The following EXOC6 variants were observed in gnomAD, a reference collection of about 807,000 sequenced individuals.
EXOC6 encodes the protein exocyst complex component 6, also known as SEC15-like 1.
EXOC6 carries 60 observed loss-of-function variants against 112.5 expected under a neutral mutation model. The observed-to-expected ratio is 0.53, with a 90% CI of 0.43 to 0.66. The LOEUF (loss-of-function observed/expected upper bound fraction) is 0.66. EXOC6 is among the 30% of genes least tolerant of loss of function. EXOC6 has a pLI of 0.00. For synonymous variants in EXOC6, 295 were observed against 308.0 expected (o/e 0.96, Z 0.44); for missense variants, 855 against 957.1 (o/e 0.89, Z 1.41).
chr10:92,856,016 C>T (rs1047971535), intron 1 of EXOC6, among the ~76,000 whole-genome samples: 4 of 152,168 alleles, frequency 2.6e-5, no homozygotes, highest in African/African-American at 7.2e-5. Flanking sequence ...AGGCACATGC[C>T]ACCATGCCTG....
intron 14 of EXOC6, among the ~76,000 whole-genome samples, chr10:92,951,231 G>A (rs1853392000): frequency 6.6e-6 from 1 of 152,138 alleles, no homozygotes; most frequent in African/African-American, 2.4e-5. Flanking sequence ...TTGTAGATTT[G>A]GAGATATTGG....
At chr10:92,939,386 G>C (rs1304391698) in intron 12 of EXOC6, among the ~76,000 whole-genome samples, 2 of 151,876 alleles carry the variant, frequency 1.3e-5, no homozygotes, top group African/African-American at 4.8e-5. Flanking sequence ...GTAAAAATCA[G>C]AAGAATTTGG....
intron 20 of EXOC6, among the ~76,000 whole-genome samples, chr10:93,015,902 C>T (rs563654624): frequency 4.6e-5 from 7 of 152,078 alleles, no homozygotes; most frequent in Non-Finnish European, 7.4e-5. Context: ...TCAGATATTA[C>T]GTCAAACAAG....
At chr10:92,986,006 T>C (rs2134137909) in intron 18 of EXOC6, among the ~76,000 whole-genome samples, 1 of 152,134 alleles carries the variant, frequency 6.6e-6, no homozygotes, top group East Asian at 1.9e-4. Flanking sequence ...TAAAAATTGG[T>C]TTTTCTTACT....
At chr10:92,908,761 CA>C (rs1482397981) in intron 5 of EXOC6, among the ~76,000 whole-genome samples, 1 of 152,068 alleles carries the variant, frequency 6.6e-6, no homozygotes, top group Non-Finnish European at 1.5e-5. Context: ...TTATCTAGGG[CA>C]AAGGCTACAC....
At chr10:92,973,470 C>T (rs1409646477) in intron 17 of EXOC6, among the ~76,000 whole-genome samples, 2 of 152,174 alleles carry the variant, frequency 1.3e-5, no homozygotes, top group African/African-American at 4.8e-5. Flanking sequence ...TTGATTTTGA[C>T]AATTTTTGAT....
At chr10:92,859,813 TTGTGTGCATG>T (rs1261221830) in intron 1 of EXOC6, among the ~76,000 whole-genome samples, 1 of 127,960 alleles carries the variant, frequency 7.8e-6, no homozygotes, top group Non-Finnish European at 1.6e-5. Flanking sequence ...GTGTGCACGT[TTGTGTGCATG>T]TGTGTGTGTG....
intron 17 of EXOC6, among the ~76,000 whole-genome samples, chr10:92,966,657 A>G (rs1842078523): frequency 6.7e-6 from 1 of 149,446 alleles, no homozygotes. Flanking sequence ...CATGATGTAT[A>G]TGTGCCACAT....
At chr10:92,960,930 T>C (rs1339259796) in intron 17 of EXOC6, among the ~76,000 whole-genome samples, 1 of 152,168 alleles carries the variant, frequency 6.6e-6, no homozygotes, top group Non-Finnish European at 1.5e-5. Context: ...GTGTGAACTG[T>C]ATCACTTTTG....
At chr10:93,003,709 G>A (rs1027773428) in intron 19 of EXOC6, among the ~76,000 whole-genome samples, 4 of 152,164 alleles carry the variant, frequency 2.6e-5, no homozygotes, top group Non-Finnish European at 4.4e-5. Flanking sequence ...CTGTAATAGA[G>A]CATAATTAAT....
intron 4 of EXOC6, among the ~76,000 whole-genome samples, chr10:92,895,602 A>G (rs77173792): frequency 0.011 from 1,707 of 152,280 alleles, 26 homozygotes; most frequent in African/African-American, 0.039. Flanking sequence ...GAAATTAACT[A>G]GTATTTTCTT....
At chr10:92,990,774 T>TC (rs1843198178) in intron 18 of EXOC6, among the ~76,000 whole-genome samples, 1 of 152,004 alleles carries the variant, frequency 6.6e-6, no homozygotes, top group Admixed American at 6.6e-5. Context: ...ATGCTCTCCC[T>TC]CCCCCAACCC....
chr10:92,865,983 G>A (rs1482052693), intron 1 of EXOC6, among the ~76,000 whole-genome samples: 1 of 152,022 alleles, frequency 6.6e-6, no homozygotes, highest in Non-Finnish European at 1.5e-5. Flanking sequence ...GTAGGCTGAG[G>A]AGGAGATGGG....
At chr10:92,938,861 A>T (rs1159382761) in intron 12 of EXOC6, among the ~76,000 whole-genome samples, 5 of 152,154 alleles carry the variant, frequency 3.3e-5, no homozygotes, top group African/African-American at 1.2e-4. Context: ...TGGAATAACT[A>T]ACTTAGATTC....
chr10:92,959,694 G>A (rs1357473629), intron 17 of EXOC6, among the ~76,000 whole-genome samples: 2 of 152,092 alleles, frequency 1.3e-5, no homozygotes, highest in Admixed American at 6.5e-5. Context: ...TTTAAAATGG[G>A]CCAAAGACCT....
At chr10:92,862,083 T>C (rs1368027012) in intron 1 of EXOC6, among the ~76,000 whole-genome samples, 1 of 152,194 alleles carries the variant, frequency 6.6e-6, no homozygotes, top group Non-Finnish European at 1.5e-5. Context: ...ATCGTCTCTA[T>C]CTAGTTTTAA....
intron 18 of EXOC6, among the ~76,000 whole-genome samples, chr10:92,981,228 A>G (rs10509648): frequency 6.6e-6 from 1 of 152,228 alleles, no homozygotes; most frequent in Admixed American, 6.5e-5. Flanking sequence ...TGACATGAAT[A>G]TAAGTAGAAT....
chr10:92,856,226 T>C (rs1470509239), intron 1 of EXOC6, among the ~76,000 whole-genome samples: 1 of 151,916 alleles, frequency 6.6e-6, no homozygotes, highest in Non-Finnish European at 1.5e-5. Context: ...TTTCTTCTGC[T>C]TGTTTTGGGT....
At chr10:92,970,517 G>A (rs61862331) in intron 17 of EXOC6, among the ~76,000 whole-genome samples, 1,718 of 152,296 alleles carry the variant, frequency 0.011, 19 homozygotes, top group Non-Finnish European at 0.017. Context: ...GACTGTATAA[G>A]TTAACTATTT....
Sources: allele counts gnomAD v4.1 joint callset (sites outside exome capture counted in the v4.1 genomes callset), GRCh38; gene constraint gnomAD v4.1.1; transcripts MANE v1.5; gene names NCBI Gene and HGNC (gene_info 2026-07-23, HGNC 2026-07-21).